Variants in PCLO observed in about 807,000 individuals in gnomAD.
PCLO encodes protein piccolo.
PCLO carries 82 observed loss-of-function variants against 427.5 expected under a neutral mutation model. The observed-to-expected ratio is 0.19, with a 90% CI of 0.16 to 0.23. The LOEUF (loss-of-function observed/expected upper bound fraction) is 0.23, where lower values mean the gene tolerates loss of function less well. PCLO is among the 10% of genes least tolerant of loss of function. The pLI is 1.00. For missense variants in PCLO, 6,239 were observed against 6,115.9 expected (o/e 1.02, Z -0.67); for synonymous variants, 2,357 against 2,155.4 (o/e 1.09, Z -2.59).
intron 6 of PCLO, among the ~76,000 whole-genome samples, chr7:82,923,228 C>T (rs1026679066): frequency 6.6e-6 from 1 of 151,836 alleles, no homozygotes; most frequent in Non-Finnish European, 1.5e-5. Context: ...CAGGAGAATG[C>T]ATTCTAAGTG....
chr7:82,913,555 A>G (rs1286674173), intron 7 of PCLO, among the ~76,000 whole-genome samples: 1 of 151,662 alleles, frequency 6.6e-6, no homozygotes, highest in East Asian at 1.9e-4. Flanking sequence ...AAGGAGGTGA[A>G]AAAAAAAGGA....
chr7:83,062,220 T>G (rs527863103), intron 3 of PCLO, among the ~76,000 whole-genome samples: 8 of 152,302 alleles, frequency 5.3e-5, no homozygotes, highest in African/African-American at 1.9e-4. Flanking sequence ...CTCAAGGTTC[T>G]CACCTAACTG....
intron 22 of PCLO, among the ~76,000 whole-genome samples, chr7:82,781,891 G>C (rs1790880495): frequency 6.6e-6 from 1 of 152,172 alleles, no homozygotes; most frequent in Non-Finnish European, 1.5e-5. Flanking sequence ...CCTGGAGGGT[G>C]GCATGCCCAG....
At chr7:83,065,384 C>T (rs1404642969) in intron 3 of PCLO, among the ~76,000 whole-genome samples, 4 of 150,978 alleles carry the variant, frequency 2.6e-5, no homozygotes, top group African/African-American at 9.7e-5. Context: ...TAAAAACTCT[C>T]GAAGTTCCCA....
Position 82,951,219 on chromosome 7 carries a change from C to T in PCLO, c.9369G>A (p.Thr3123=), listed in dbSNP as rs368422245. ...TTVRDLSGIH[T]ADAVTSLPAM... ...CAGGTAATGAAGTCACTGCATCAGC[C>T]GTATGAATACCAGACAAATCCCTCA... Residue 3123 remains threonine, a synonymous_variant, in exon 6 of 25, where the codon ACG becomes ACA. Coordinates refer to ENST00000333891, the MANE Select transcript of PCLO (RefSeq NM_033026.6). 6.8e-6 allele frequency: 11 copies of T among 1,613,432 alleles called. No individual in the cohort carries two copies. The highest frequency in any genetic ancestry group is 6.7e-5 in the African/African-American group (5 of 74,894).
chr7:82,944,055 G>A (rs1164163873), intron 6 of PCLO, among the ~76,000 whole-genome samples: 1 of 142,962 alleles, frequency 7.0e-6, no homozygotes, highest in Non-Finnish European at 1.5e-5. Flanking sequence ...GCTGAGGCAG[G>A]AGAATCACTT....
intron 6 of PCLO, among the ~76,000 whole-genome samples, chr7:82,935,559 TA>T (rs938880999): frequency 2.6e-5 from 4 of 151,488 alleles, no homozygotes; most frequent in African/African-American, 9.7e-5. Context: ...TGTTTAATAT[TA>T]AAAAAATCTA....
At chr7:83,045,715 T>G (rs921666405) in intron 3 of PCLO, among the ~76,000 whole-genome samples, 2 of 152,122 alleles carry the variant, frequency 1.3e-5, no homozygotes, top group Non-Finnish European at 1.5e-5. Context: ...CCTAGAAATA[T>G]AGAAAAATGA....
At chr7:82,821,779 T>C (rs372195006) in intron 20 of PCLO, 5 of 982,572 alleles carry the variant, frequency 5.1e-6, no homozygotes, top group South Asian at 9.4e-5. Context: ...ATGGACCCAA[T>C]TGTGCTCCTC....
At chr7:83,070,082 T>A (rs975347524) in intron 3 of PCLO, among the ~76,000 whole-genome samples, 6 of 152,022 alleles carry the variant, frequency 3.9e-5, no homozygotes, top group African/African-American at 1.5e-4. Flanking sequence ...GTGGCTTCCA[T>A]CTTGGGCTCA....
intron 3 of PCLO, among the ~76,000 whole-genome samples, chr7:83,094,357 C>T (rs554314827): frequency 3.5e-4 from 53 of 151,864 alleles, no homozygotes; most frequent in Non-Finnish European, 6.2e-4. Context: ...TACAGGTGTG[C>T]GCCACCATGC....
Position 82,951,239 on chromosome 7 carries a change from C to A in PCLO, c.9349G>T (p.Asp3117Tyr), listed in dbSNP as rs267601589. 2 of 1,613,576 alleles carry A rather than the reference C, an allele frequency of 1.2e-6. No homozygotes were observed. The highest frequency in any genetic ancestry group is 1.7e-6 in the Non-Finnish European group (2 of 1,179,738). Residue 3117 changes from aspartate to tyrosine, a missense_variant, in exon 6 of 25, where the codon GAT (aspartate) becomes TAT (tyrosine). Around this residue, in one of 5 missense-constraint regions of PCLO, gnomAD observed 4,677 missense variants for 4,468.4 expected, o/e 1.05. Coordinates refer to ENST00000333891, the MANE Select transcript of PCLO (RefSeq NM_033026.6). Reference sequence around the variant, plus strand: ...TCAGCCGTATGAATACCAGACAAATCCCTCACTGTGGTGCTGAAAATGGAG... The same window carrying A: ...TCAGCCGTATGAATACCAGACAAATACCTCACTGTGGTGCTGAAAATGGAG... ...PGSIFSTTVR[D>Y]LSGIHTADAV...
rs1358724110 is a variant in PCLO at position 82,801,570 on chromosome 7, T to C, written c.14955A>G (p.Gly4985=). ...IPRIGKMGQN[G]QEPVKQPGVG... Reference sequence around the variant, plus strand: ...CCCCTGGCTGTTTTACAGGCTCTTGTCCATTCTGTCCCATCTTCCCTCTGT... The same window carrying C: ...CCCCTGGCTGTTTTACAGGCTCTTGCCCATTCTGTCCCATCTTCCCTCTGT... Residue 4985 remains glycine (G), a synonymous_variant, in exon 22 of 25, where the codon GGA becomes GGG. Transcript: ENST00000333891. 6.3e-7 allele frequency: 1 copy of C among 1,587,892 alleles called. No homozygotes were observed. The highest frequency in any genetic ancestry group is 1.7e-5 in the Admixed American group (1 of 59,880).
At chr7:83,078,519 C>CATTATTATTATTATTATATTATTATT (rs143405758) in intron 3 of PCLO, among the ~76,000 whole-genome samples, 1 of 150,284 alleles carries the variant, frequency 6.7e-6, no homozygotes, top group African/African-American at 2.5e-5. Context: ...ATGTTGCTAG[C>CATTATTATTATTATTATATTATTATT]ATTATTATTA....
rs777002340 is a variant in PCLO at position 82,966,275 on chromosome 7, G to C, written c.3513C>G (p.Val1171=). Residue 1171 remains valine (V), a synonymous_variant, in exon 4 of 25, where the codon GTC becomes GTG. Coordinates refer to ENST00000333891, the MANE Select transcript of PCLO (RefSeq NM_033026.6). ...GTGTTTCCTTTACTTTTTCCAGAATGACTTTTTCAGCTTCCGTTTTTACTT... is the reference window on the plus strand; with the variant it reads ...GTGTTTCCTTTACTTTTTCCAGAATCACTTTTTCAGCTTCCGTTTTTACTT... The part of the protein sequence containing the change: ...EQEVKTEAEK[V]ILEKVKETLS... 1 of 1,612,148 alleles carries C rather than the reference G, an allele frequency of 6.2e-7. No individual in the cohort carries two copies. The highest frequency in any genetic ancestry group is 2.2e-5 in the East Asian group (1 of 44,812).
intron 3 of PCLO, among the ~76,000 whole-genome samples, chr7:83,038,617 T>A (rs1788892351): frequency 1.3e-5 from 2 of 152,032 alleles, no homozygotes; most frequent in African/African-American, 4.8e-5. Flanking sequence ...ACTTTGTTCA[T>A]CCATTCATCC....
At chr7:83,027,271 G>A (rs1788526772) in intron 3 of PCLO, among the ~76,000 whole-genome samples, 1 of 150,174 alleles carries the variant, frequency 6.7e-6, no homozygotes, top group African/African-American at 2.4e-5. Context: ...TGAAAAAGGG[G>A]ATATCACCAC....
intron 14 of PCLO, among the ~76,000 whole-genome samples, chr7:82,839,275 T>C (rs1002324383): frequency 1.3e-5 from 2 of 152,104 alleles, no homozygotes; most frequent in African/African-American, 4.8e-5. Flanking sequence ...ATATTTAAAA[T>C]AGGATAACTC....
chr7:82,835,561 TAA>T lies in PCLO; in HGVS notation c.14249+104_14249+105del, dbSNP rs1203868498. 15 of 765,198 alleles carry T rather than the reference TAA, an allele frequency of 2.0e-5. No individual in the cohort carries two copies. The East Asian group carries it at 2.1e-4, about 11-fold the overall frequency. 47.4% of individuals were successfully genotyped at this position (765,198 alleles called of 1,614,324 possible). On this transcript the variant is annotated intron_variant, in intron 16 of 24. Coordinates refer to ENST00000333891, the MANE Select transcript of PCLO (RefSeq NM_033026.6). ...ATAGATACAAACATGTAGAAAAATA[TAA>T]GTTACAGCCCATGTTGAAGTGCCAG...
Sources: gnomAD v4.1 joint callset for allele counts (sites outside exome capture counted in the v4.1 genomes callset) on GRCh38, gnomAD v4.1.1 for gene constraint, gnomAD v4.1.1 regional missense constraint, MANE v1.5 for transcripts, NCBI Gene and HGNC (gene_info 2026-07-23, HGNC 2026-07-21) for gene names.